The following M1AP variants were observed in gnomAD, a reference collection of about 807,000 sequenced individuals.
M1AP encodes the protein meiosis 1 arrest protein.
Under a neutral mutation model 51.2 loss-of-function variants are expected in M1AP, and 39 were observed. The observed-to-expected ratio is 0.76, with a 90% CI of 0.59 to 1.00. M1AP has a LOEUF of 1.00. Among genes scored for constraint, M1AP ranks in the 50% least tolerant of loss-of-function variants. The pLI is 0.00. For synonymous variants in M1AP, 251 were observed against 249.2 expected (o/e 1.01, Z -0.07); for missense variants, 545 against 641.2 (o/e 0.85, Z 1.62).
intron 2 of M1AP, among the ~76,000 whole-genome samples, chr2:74,636,346 T>C (rs1682991275): frequency 6.6e-6 from 1 of 152,142 alleles, no homozygotes; most frequent in Non-Finnish European, 1.5e-5. Flanking sequence ...CTACATTTAA[T>C]GTGTTTGAAG....
At chr2:74,602,335 C>G (rs1219875955) in intron 4 of M1AP, among the ~76,000 whole-genome samples, 1 of 152,110 alleles carries the variant, frequency 6.6e-6, no homozygotes, top group Non-Finnish European at 1.5e-5. Flanking sequence ...AGGTAACTGA[C>G]AGTTCACTTG....
chr2:74,618,166 T>A (rs761936400), intron 2 of M1AP, among the ~76,000 whole-genome samples: 1 of 152,056 alleles, frequency 6.6e-6, no homozygotes, highest in Admixed American at 6.5e-5. Context: ...TGATATCAAG[T>A]GAGAGATGGG....
At chr2:74,565,171 C>T (rs552783642) in intron 7 of M1AP, among the ~76,000 whole-genome samples, 5 of 150,832 alleles carry the variant, frequency 3.3e-5, no homozygotes, top group Admixed American at 6.6e-5. Flanking sequence ...TGCAGTGAGC[C>T]GAGATCACAC....
chr2:74,566,935 T>G (rs752568767), intron 7 of M1AP, among the ~76,000 whole-genome samples: 1 of 152,210 alleles, frequency 6.6e-6, no homozygotes, highest in Non-Finnish European at 1.5e-5. Flanking sequence ...ACATTTTAAG[T>G]AGGAAACTGA....
intron 3 of M1AP, among the ~76,000 whole-genome samples, chr2:74,609,028 A>G (rs922472760): frequency 2.6e-5 from 4 of 152,230 alleles, no homozygotes; most frequent in African/African-American, 9.6e-5. Context: ...AATCAGGGTA[A>G]TTAGCATATC....
intron 1 of M1AP, among the ~76,000 whole-genome samples, chr2:74,646,258 AAG>A (rs1302423237): frequency 9.2e-5 from 14 of 152,230 alleles, no homozygotes; most frequent in Admixed American, 7.2e-4. Flanking sequence ...CAAAAACTGA[AAG>A]AGGAAACTAG....
intron 7 of M1AP, among the ~76,000 whole-genome samples, chr2:74,569,308 GTC>G (rs1558649445): frequency 6.6e-6 from 1 of 150,396 alleles, no homozygotes; most frequent in Non-Finnish European, 1.5e-5. Flanking sequence ...ATATTTTATT[GTC>G]TATATTTTAT....
At chr2:74,561,277 G>A (rs1482619701) in intron 8 of M1AP, among the ~76,000 whole-genome samples, 1 of 130,148 alleles carries the variant, frequency 7.7e-6, no homozygotes, top group Non-Finnish European at 1.7e-5. Flanking sequence ...GAAAAAGAAG[G>A]AGGTAAAAAT....
At chr2:74,599,793 C>T (rs1001831429) in intron 4 of M1AP, among the ~76,000 whole-genome samples, 1 of 151,466 alleles carries the variant, frequency 6.6e-6, no homozygotes, top group African/African-American at 2.4e-5. Flanking sequence ...CACACACACA[C>T]GAATCAGCTT....
At chr2:74,561,235 G>GAGGAGGAGGAGA (rs1677980487) in intron 8 of M1AP, among the ~76,000 whole-genome samples, 17 of 126,972 alleles carry the variant, frequency 1.3e-4, no homozygotes, top group African/African-American at 2.8e-4. Context: ...GGAGGAGAAG[G>GAGGAGGAGGAGA]AGGAGGAGGA....
At chr2:74,616,520 T>C (rs573434002) in intron 2 of M1AP, among the ~76,000 whole-genome samples, 1 of 152,150 alleles carries the variant, frequency 6.6e-6, no homozygotes, top group Non-Finnish European at 1.5e-5. Flanking sequence ...TGAACTCATA[T>C]TTCCATTTCA....
At chr2:74,563,239 G>C (rs935500138) in intron 7 of M1AP, among the ~76,000 whole-genome samples, 3 of 152,084 alleles carry the variant, frequency 2.0e-5, no homozygotes, top group Admixed American at 1.3e-4. Flanking sequence ...AAGATAGATA[G>C]ATGATTGATA....
intron 2 of M1AP, among the ~76,000 whole-genome samples, chr2:74,629,836 T>C (rs1192687906): frequency 1.3e-5 from 2 of 151,980 alleles, no homozygotes; most frequent in African/African-American, 2.4e-5. Flanking sequence ...TGGACTTGGG[T>C]CCCATCCCTA....
At chr2:74,613,622 T>C (rs1367228884) in intron 3 of M1AP, among the ~76,000 whole-genome samples, 2 of 152,182 alleles carry the variant, frequency 1.3e-5, no homozygotes, top group Non-Finnish European at 2.9e-5. Flanking sequence ...TAGACTCTGA[T>C]AAAATCCCAG....
intron 4 of M1AP, among the ~76,000 whole-genome samples, chr2:74,603,223 G>A (rs1680772818): frequency 6.6e-6 from 1 of 152,192 alleles, no homozygotes; most frequent in African/African-American, 2.4e-5. Flanking sequence ...GCCTCCATGG[G>A]TATCAAAGTC....
intron 5 of M1AP, among the ~76,000 whole-genome samples, chr2:74,579,075 T>C (rs936018328): frequency 6.6e-5 from 10 of 152,184 alleles, no homozygotes; most frequent in African/African-American, 2.4e-4. Context: ...CTGACTGCAG[T>C]CTGGATATAA....
chr2:74,559,666 CT>C lies in M1AP; in HGVS notation c.1434+31del, dbSNP rs1488740511. 30 of 718,456 alleles carry C rather than the reference CT, an allele frequency of 4.2e-5. No homozygotes were observed. The African/African-American group carries it at 5.1e-4, about 12-fold the overall frequency. 44.5% of individuals were successfully genotyped at this position (718,456 alleles called of 1,614,324 possible). Reference sequence around the variant, plus strand: ...CAAGTTACTAATCTTGGTCAGCCTCCTTTCCTCATCTGTAAATGAGCAAACA... The same window carrying C: ...CAAGTTACTAATCTTGGTCAGCCTCCTTCCTCATCTGTAAATGAGCAAACA... On this transcript the variant is annotated intron_variant, in intron 10 of 10. Coordinates refer to ENST00000421985, the MANE Select transcript of M1AP (RefSeq NM_001321739.2).
chr2:74,626,622 G>A (rs943628345), intron 2 of M1AP, among the ~76,000 whole-genome samples: 1 of 151,842 alleles, frequency 6.6e-6, no homozygotes, highest in African/African-American at 2.4e-5. Context: ...TTTCCTGATT[G>A]TACTCAGACT....
intron 2 of M1AP, among the ~76,000 whole-genome samples, chr2:74,627,224 G>T (rs1026911652): frequency 6.6e-6 from 1 of 151,916 alleles, no homozygotes; most frequent in Non-Finnish European, 1.5e-5. Context: ...TATAAATCTT[G>T]CATATTTATT....
Sources: allele counts gnomAD v4.1 joint callset (sites outside exome capture counted in the v4.1 genomes callset), GRCh38; gene constraint gnomAD v4.1.1; transcripts MANE v1.5; gene names NCBI Gene and HGNC (gene_info 2026-07-23, HGNC 2026-07-21).